The following SIRPD variants were observed in gnomAD, a reference collection of about 807,000 sequenced individuals.
SIRPD encodes signal regulatory protein delta.
SIRPD carries 21 observed loss-of-function variants against 18.0 expected under a neutral mutation model. The ratio of observed to expected loss-of-function variants is 1.17; its 90% CI spans 0.83 to 1.68. The LOEUF (loss-of-function observed/expected upper bound fraction) is 1.68, where lower values mean the gene tolerates loss of function less well. Ranked by LOEUF, SIRPD falls within the 40% of genes most tolerant of loss-of-function variation. SIRPD has a pLI of 0.00. For missense variants in SIRPD, 295 were observed against 238.4 expected (o/e 1.24, Z -1.56); for synonymous variants, 106 against 92.9 (o/e 1.14, Z -0.81).
Position 1,538,178 on chromosome 20 carries a change from C to T in SIRPD, c.422-868G>A, listed in dbSNP as rs532125867. On this transcript the variant is annotated intron_variant, in intron 2 of 3. Transcript: ENST00000381623. ...CTGTGACTCAGTTTCCCCACTGCTC[C>T]CCACCCCTGCCTCCTTACCAGTGGC... 1.3e-4 allele frequency among the ~76,000 whole-genome samples: 20 copies of T among 152,248 alleles called. 1 individual carries two copies. In the East Asian group the frequency reaches 3.7e-3, roughly 28 times the overall value.
At chr20:1,556,160 T>C (rs993127879) in intron 1 of SIRPD, among the ~76,000 whole-genome samples, 8 of 152,224 alleles carry the variant, frequency 5.3e-5, no homozygotes, top group African/African-American at 1.9e-4. Context: ...AGTGCATCAC[T>C]TTGGCCATAT....
At chr20:1,544,595 T>C (rs2123130027) in intron 2 of SIRPD, among the ~76,000 whole-genome samples, 1 of 152,328 alleles carries the variant, frequency 6.6e-6, no homozygotes, top group Non-Finnish European at 1.5e-5. Flanking sequence ...TGTCTTTTAA[T>C]TGGGGCATTT....
At chr20:1,534,873 C>A (rs922753044) in intron 3 of SIRPD, among the ~76,000 whole-genome samples, 7 of 152,190 alleles carry the variant, frequency 4.6e-5, no homozygotes, top group Non-Finnish European at 1.0e-4. Context: ...TTTTGAAATG[C>A]AATTTCCCAA....
At chr20:1,553,652 G>T (rs1249797776) in intron 1 of SIRPD, among the ~76,000 whole-genome samples, 1 of 152,154 alleles carries the variant, frequency 6.6e-6, no homozygotes, top group Admixed American at 6.5e-5. Flanking sequence ...ACATGTAGTT[G>T]CACCTTGCAT....
chr20:1,542,622 C>T (rs907233974), intron 2 of SIRPD, among the ~76,000 whole-genome samples: 4 of 152,144 alleles, frequency 2.6e-5, no homozygotes, highest in Non-Finnish European at 4.4e-5. Context: ...TATTTGAATA[C>T]CCTTTATTTC....
intron 2 of SIRPD, among the ~76,000 whole-genome samples, chr20:1,547,593 A>C (rs2090999207): frequency 6.6e-6 from 1 of 152,114 alleles, no homozygotes; most frequent in South Asian, 2.1e-4. Context: ...GTGTTCTCCT[A>C]CTTTATTTTT....
intron 2 of SIRPD, among the ~76,000 whole-genome samples, chr20:1,543,560 T>TA (rs934741419): frequency 5.3e-5 from 8 of 152,046 alleles, no homozygotes; most frequent in Admixed American, 6.6e-5. Flanking sequence ...GTTAATGTTT[T>TA]AAAAAAAACA....
chr20:1,543,033 A>G (rs1158581760), intron 2 of SIRPD, among the ~76,000 whole-genome samples: 1 of 152,230 alleles, frequency 6.6e-6, no homozygotes, highest in African/African-American at 2.4e-5. Context: ...TCGGTTAGCC[A>G]GTATTTTATT....
In SIRPD at chr20:1,551,911, TC is replaced by T. The variant is rs760738092; in HGVS notation, c.200del (p.Gly67GlufsTer8). On this transcript the variant is annotated frameshift_variant, in exon 2 of 4. Transcript: ENST00000381623. LOFTEE classifies it high-confidence loss of function. ...LPNGPVLWFK[G>X]TGPNRKLIYN... ...AGATTAATTTCCGGTTTGGCCCTGTTCCCTTGAACCACAAGACAGGTCCATT... is the reference window on the plus strand; with the variant it reads ...AGATTAATTTCCGGTTTGGCCCTGTTCCTTGAACCACAAGACAGGTCCATT... 6.8e-6 allele frequency: 11 copies of T among 1,614,020 alleles called. No individual in the cohort carries two copies. Among genetic ancestry groups the T allele is most frequent in the Non-Finnish European group, 9.3e-6 (11 of 1,180,008 alleles).
intron 3 of SIRPD, among the ~76,000 whole-genome samples, chr20:1,535,963 A>G (rs1353851942): frequency 6.6e-6 from 1 of 152,162 alleles, no homozygotes; most frequent in Admixed American, 6.5e-5. Flanking sequence ...TCCAGCCCTG[A>G]CAACCTGGTG....
intron 1 of SIRPD, 76 bp downstream of exon 1, chr20:1,557,505 G>A: frequency 6.4e-6 from 8 of 1,258,160 alleles, no homozygotes; most frequent in Non-Finnish European, 8.4e-6. Context: ...AAATTCTATG[G>A]GAACAGGTGA....
rs2091022654 is a variant in SIRPD, at chr20:1,552,188, A to G, written c.74-150T>C. On this transcript the variant is annotated intron_variant, in intron 1 of 3. Coordinates refer to ENST00000381623, the MANE Select transcript of SIRPD (RefSeq NM_178460.3). ...AAGAGAGGCCTTTGCACATGGAGGC[A>G]GCTTCTCCCTAGAGTGCTGAAGGAA... 4 of 655,794 alleles carry G rather than the reference A, an allele frequency of 6.1e-6. No homozygotes were observed. The East Asian group carries it at 1.1e-4, about 18-fold the overall frequency. The allele number at this position is 655,794 out of a possible 1,614,324, so 40.6% of individuals were successfully genotyped here. A position where few individuals can be genotyped will look rare whatever the true frequency, so the allele number is the denominator to read the frequency against.
intron 2 of SIRPD, among the ~76,000 whole-genome samples, chr20:1,545,158 C>G (rs1322212054): frequency 6.6e-6 from 1 of 152,156 alleles, no homozygotes; most frequent in Non-Finnish European, 1.5e-5. Context: ...TGAATATTGG[C>G]CTGTCTTTCT....
chr20:1,554,176 C>T (rs967657481), intron 1 of SIRPD: 6 of 152,688 alleles, frequency 3.9e-5, no homozygotes, highest in African/African-American at 1.4e-4. Context: ...TCTTGAACCA[C>T]AAGACAGGCC....
intron 2 of SIRPD, among the ~76,000 whole-genome samples, chr20:1,545,309 A>T (rs117521857): frequency 6.6e-6 from 1 of 152,222 alleles, no homozygotes; most frequent in East Asian, 1.9e-4. Context: ...GGGTTTGTTC[A>T]TTCTTTTTCA....
Position 1,537,328 on chromosome 20 carries a change from A to C in SIRPD, c.422-18T>G. The C allele has an allele frequency of 6.2e-7, 1 of 1,610,266 alleles. No individual in the cohort carries two copies. On this transcript the variant is annotated intron_variant, in intron 2 of 3. Coordinates refer to ENST00000381623, the MANE Select transcript of SIRPD (RefSeq NM_178460.3). ...ATTCTGCTCTGCTGAGAGAGGCAAA[A>C]CTATGTGTTCCATGATATAAGAGGA...
chr20:1,540,562 G>A (rs1395366291), intron 2 of SIRPD, among the ~76,000 whole-genome samples: 1 of 152,046 alleles, frequency 6.6e-6, no homozygotes, highest in East Asian at 1.9e-4. Flanking sequence ...CATAAGAAAT[G>A]TTCTGTCTTT....
At position 1,551,947 on chromosome 20, in the gene SIRPD, A is replaced by G. The variant is rs1480306494; in HGVS notation, c.165T>C (p.Asn55=). ...ESIILSCSVP[N]TLPNGPVLWF... Reference sequence around the variant, plus strand: ...ACAAGACAGGTCCATTTGGTAAGGTATTGGGTACGCTGCAACTCAAGATGA... The same window carrying G: ...ACAAGACAGGTCCATTTGGTAAGGTGTTGGGTACGCTGCAACTCAAGATGA... Residue 55 remains asparagine (N), a synonymous_variant, in exon 2 of 4, where the codon AAT becomes AAC. Transcript: ENST00000381623. 5.0e-6 allele frequency: 8 copies of G among 1,614,104 alleles called. No individual in the cohort carries two copies. The Middle Eastern group carries it at 4.9e-4, about 100-fold the overall frequency.
chr20:1,553,076 C>A (rs1248634498), intron 1 of SIRPD, among the ~76,000 whole-genome samples: 1 of 152,166 alleles, frequency 6.6e-6, no homozygotes, highest in Non-Finnish European at 1.5e-5. Context: ...AACAGTGGGG[C>A]TGGGCATGGA....
Sources: gnomAD v4.1 joint callset for allele counts (sites outside exome capture counted in the v4.1 genomes callset) on GRCh38, gnomAD v4.1.1 for gene constraint, MANE v1.5 for transcripts, NCBI Gene and HGNC (gene_info 2026-07-23, HGNC 2026-07-21) for gene names.